The following CDK12 variants were observed in gnomAD, a reference collection of about 807,000 sequenced individuals.
CDK12 encodes cyclin-dependent kinase 12.
Under a neutral mutation model 133.8 loss-of-function variants are expected in CDK12, and 17 were observed. The ratio of observed to expected loss-of-function variants is 0.13; its 90% CI spans 0.09 to 0.19. The LOEUF is 0.19. Among genes scored for constraint, CDK12 ranks in the 10% least tolerant of loss-of-function variants. The pLI is 1.00. For missense variants in CDK12, 1,508 were observed against 1,818.7 expected, an observed-to-expected ratio of 0.83 and a Z score of 3.11; for synonymous variants, 694 against 683.6, an observed-to-expected ratio of 1.02 and a Z score of -0.24.
In CDK12 at chr17:39,531,467, A is replaced by G; in HGVS notation, c.*151A>G. 1.5e-6 allele frequency: 1 copy of G among 676,804 alleles called. No individual in the cohort carries two copies. Among genetic ancestry groups the G allele is most frequent in the South Asian group, 5.9e-5 (1 of 16,986 alleles). 41.9% of individuals were successfully genotyped at this position (676,804 alleles called of 1,614,324 possible). A position where few individuals can be genotyped will look rare whatever the true frequency, so the allele number is the denominator to read the frequency against. On this transcript the variant is annotated 3_prime_UTR_variant, in exon 14 of 14. Coordinates refer to ENST00000447079, the MANE Select transcript of CDK12 (RefSeq NM_016507.4). ...CCGTTGTATTCCTTGCTCACTTGCT[A>G]CTAGCAGGCGACTTACGAAATAATG...
chr17:39,542,407 T>C (rs1214082955), intron 1 of CDK12, among the ~76,000 whole-genome samples: 1 of 152,168 alleles, frequency 6.6e-6, no homozygotes, highest in African/African-American at 2.4e-5. Flanking sequence ...GCCAGTCTGA[T>C]CTCAAACTCC....
At chr17:39,522,116 T>C (rs1194943079) in intron 11 of CDK12, among the ~76,000 whole-genome samples, 1 of 152,056 alleles carries the variant, frequency 6.6e-6, no homozygotes, top group African/African-American at 2.4e-5. Context: ...TTTTTTGTTA[T>C]TATTTTTTTT....
At chr17:39,536,577 T>C (rs564993653), downstream of CDK12, among the ~76,000 whole-genome samples, 3 of 152,338 alleles carry the variant, frequency 2.0e-5, no homozygotes, top group East Asian at 3.9e-4. Context: ...TTGTTGCTTT[T>C]GCTGATGACA....
At chr17:39,538,824 A>G (rs1467127196), downstream of CDK12, among the ~76,000 whole-genome samples, 1 of 152,096 alleles carries the variant, frequency 6.6e-6, no homozygotes, top group Non-Finnish European at 1.5e-5. Context: ...GCTTGAACCC[A>G]GGAGGTGGAG....
chr17:39,561,467 G>A (rs1259825033), intron 3 of CDK12, among the ~76,000 whole-genome samples: 2 of 152,184 alleles, frequency 1.3e-5, no homozygotes, highest in African/African-American at 2.4e-5. Context: ...CTTTACCACC[G>A]TTCTTCATGG....
chr17:39,529,317 C>G (rs1388333887), intron 13 of CDK12, among the ~76,000 whole-genome samples: 1 of 152,132 alleles, frequency 6.6e-6, no homozygotes. Flanking sequence ...AACTTAATTA[C>G]TGATTGTCTT....
rs773073791 is a variant in CDK12, at chr17:39,482,015, C to CCTTTTTTTTTTTTTT, written c.1932-8542_1932-8541insCTTTTTTTTTTTTTT. Among the ~76,000 whole-genome samples, 6 of 96,224 alleles carry CCTTTTTTTTTTTTTT rather than the reference C, an allele frequency of 6.2e-5. 2 individuals are homozygous for CCTTTTTTTTTTTTTT. Among genetic ancestry groups the CCTTTTTTTTTTTTTT allele is most frequent in the South Asian group, 8.6e-4 (2 of 2,326 alleles). The allele number at this position is 96,224 out of a possible 152,430, so 63.1% of individuals were successfully genotyped here. A position where few individuals can be genotyped will look rare whatever the true frequency, so the allele number is the denominator to read the frequency against. On this transcript the variant is annotated intron_variant, in intron 2 of 13. Transcript: ENST00000447079. ...GATTACAGGCATGAGCCTGGCTTGC[C>CCTTTTTTTTTTTTTT]TTTTTTTTTTTTTTTTAACAGAGTT...
chr17:39,479,273 A>C (rs1450972211), intron 2 of CDK12, among the ~76,000 whole-genome samples: 1 of 135,974 alleles, frequency 7.4e-6, no homozygotes, highest in African/African-American at 2.8e-5. Context: ...ATGCCACTGC[A>C]CTCGAGCCTG....
chr17:39,490,466 C>T (rs1200153923), intron 2 of CDK12, 91 bp from the exon 3 acceptor site: 7 of 819,032 alleles, frequency 8.5e-6, no homozygotes, highest in Non-Finnish European at 1.1e-5. Flanking sequence ...ATCTTTCTAA[C>T]CTTTTCGTAA....
chr17:39,485,274 T>C (rs1299517806), intron 2 of CDK12, among the ~76,000 whole-genome samples: 1 of 151,886 alleles, frequency 6.6e-6, no homozygotes, highest in Non-Finnish European at 1.5e-5. Flanking sequence ...AAGTAAACAT[T>C]GGAGAAAACA....
chr17:39,517,936 T>G (rs2053914926), intron 10 of CDK12, among the ~76,000 whole-genome samples: 1 of 152,068 alleles, frequency 6.6e-6, no homozygotes, highest in African/African-American at 2.4e-5. Context: ...CACTGCAGCC[T>G]TGACCTGCTG....
rs757979129 is a variant in CDK12 at position 39,471,604 on chromosome 17, A to G, written c.1772A>G (p.Lys591Arg). Residue 591 changes from lysine (K) to arginine (R), a missense_variant, in exon 2 of 14, where the codon AAG (lysine) becomes AGG (arginine). This residue lies in a region of CDK12 where 347 missense variants were observed against 330.8 expected (regional missense o/e 1.05). Coordinates refer to ENST00000447079, the MANE Select transcript of CDK12 (RefSeq NM_016507.4). The stretch of plus-strand genomic sequence containing the variant: ...ACTTTGCCCCCTTCTACTCACTCAA[A>G]GACATCTGCTGTGTCCTCTCAGGCA... The part of the protein sequence containing the change: ...TSTLPPSTHS[K>R]TSAVSSQANS... 1.2e-5 allele frequency: 19 copies of G among 1,613,988 alleles called. No individual in the cohort carries two copies. The highest frequency in any genetic ancestry group is 2.2e-5 in the South Asian group (2 of 91,080).
intron 1 of CDK12, among the ~76,000 whole-genome samples, chr17:39,466,139 C>A (rs1369611136): frequency 1.3e-5 from 2 of 151,616 alleles, no homozygotes; most frequent in African/African-American, 4.8e-5. Flanking sequence ...GAAACCCCGT[C>A]CCTACTAAAA....
chr17:39,540,629 T>G (rs1186221303), intron 1 of CDK12, among the ~76,000 whole-genome samples: 1 of 152,382 alleles, frequency 6.6e-6, no homozygotes, highest in South Asian at 2.1e-4. Context: ...CACAATTCTC[T>G]AGCTTGATTC....
Position 39,557,711 on chromosome 17 carries a change from G to A in CDK12, n.484+1298G>A, listed in dbSNP as rs1298397645. ...GTCTACCTAAGAGGCATTGGATGAA[G>A]CACAGTTACTTTTCCAGGCCTCTTC... On this transcript the variant is annotated intron_variant and non_coding_transcript_variant, in intron 3 of 3. Coordinates refer to the CDK12 transcript ENST00000558240. 3.3e-5 allele frequency among the ~76,000 whole-genome samples: 5 copies of A among 152,180 alleles called. No individual in the cohort carries two copies. In the East Asian group the frequency reaches 7.7e-4, roughly 23 times the overall value.
chr17:39,493,616 C>T (rs145102509), intron 4 of CDK12, among the ~76,000 whole-genome samples: 50 of 152,252 alleles, frequency 3.3e-4, no homozygotes, highest in African/African-American at 9.1e-4. Flanking sequence ...TGAGCCACCA[C>T]GCCTGGCCAA....
intron 1 of CDK12, among the ~76,000 whole-genome samples, chr17:39,466,286 C>T (rs1346041279): frequency 7.1e-6 from 1 of 141,182 alleles, no homozygotes; most frequent in Non-Finnish European, 1.5e-5. Flanking sequence ...CCAGCCTGGG[C>T]GACAGAATGA....
At chr17:39,537,329 A>G (rs1172072292), downstream of CDK12, among the ~76,000 whole-genome samples, 1 of 152,156 alleles carries the variant, frequency 6.6e-6, no homozygotes, top group East Asian at 1.9e-4. Flanking sequence ...GCTGAATTCA[A>G]AGACCTAAAG....
At chr17:39,560,309 T>A (rs2056328793) in intron 3 of CDK12, among the ~76,000 whole-genome samples, 1 of 152,218 alleles carries the variant, frequency 6.6e-6, no homozygotes, top group Non-Finnish European at 1.5e-5. Flanking sequence ...AACTTCTTCT[T>A]ATATTACCAG....
Sources: allele counts gnomAD v4.1 joint callset (sites outside exome capture counted in the v4.1 genomes callset), GRCh38; gene constraint gnomAD v4.1.1; regional missense constraint gnomAD v4.1.1; transcripts MANE v1.5; gene names NCBI Gene and HGNC (gene_info 2026-07-23, HGNC 2026-07-21).